Variants in TMEM266 observed in about 807,000 individuals in gnomAD.
TMEM266 encodes the protein transmembrane protein 266, also known as Hv1 related protein 1.
TMEM266 carries 33 observed loss-of-function variants against 50.5 expected under a neutral mutation model. That is an observed-to-expected ratio of 0.65 (90% CI 0.50 to 0.87). The LOEUF (loss-of-function observed/expected upper bound fraction) is 0.87, where lower values mean the gene tolerates loss of function less well. Among genes scored for constraint, TMEM266 ranks in the 40% least tolerant of loss-of-function variants. The pLI, the probability that TMEM266 is intolerant of heterozygous loss-of-function variation, is 0.00. For synonymous variants in TMEM266, 310 were observed against 292.3 expected (o/e 1.06, Z -0.62); for missense variants, 655 against 695.1 (o/e 0.94, Z 0.65).
At chr15:76,151,730 G>A (rs1051840614) in intron 3 of TMEM266, among the ~76,000 whole-genome samples, 3 of 151,950 alleles carry the variant, frequency 2.0e-5, no homozygotes, top group African/African-American at 4.8e-5. Context: ...TTAGTAGGCC[G>A]CCAGAAGCAT....
chr15:76,076,422 A>G (rs1420799346), intron 1 of TMEM266, among the ~76,000 whole-genome samples: 3 of 152,080 alleles, frequency 2.0e-5, no homozygotes. Flanking sequence ...AGAATAAACA[A>G]TAGTATTGTT....
At chr15:76,121,229 A>G (rs999296932) in intron 1 of TMEM266, among the ~76,000 whole-genome samples, 1 of 152,122 alleles carries the variant, frequency 6.6e-6, no homozygotes, top group African/African-American at 2.4e-5. Context: ...GAGAGGTTTA[A>G]CTTTTATGTA....
At chr15:76,072,848 G>T (rs1351683342) in intron 1 of TMEM266, among the ~76,000 whole-genome samples, 1 of 152,002 alleles carries the variant, frequency 6.6e-6, no homozygotes, top group East Asian at 1.9e-4. Flanking sequence ...ATGTTGGCCA[G>T]GCTGGTCTCA....
intron 7 of TMEM266, chr15:76,175,250 T>TC: frequency 3.7e-6 from 1 of 270,370 alleles, no homozygotes; most frequent in South Asian, 4.2e-5. Flanking sequence ...GAAGGTGGTC[T>TC]TGTGGCCACC....
intron 1 of TMEM266, among the ~76,000 whole-genome samples, chr15:76,080,320 T>G (rs879283870): frequency 1.3e-4 from 18 of 142,768 alleles, no homozygotes; most frequent in South Asian, 4.9e-4. Context: ...TGGCACGATC[T>G]TGGCTCACTG....
intron 1 of TMEM266, chr15:76,114,346 C>T (rs1277185330): frequency 3.9e-5 from 6 of 152,078 alleles, no homozygotes; most frequent in Admixed American, 3.9e-4. Flanking sequence ...ATGGCAAAAC[C>T]CCATCTCTAC....
intron 1 of TMEM266, among the ~76,000 whole-genome samples, chr15:76,061,966 G>A: frequency 6.6e-6 from 1 of 152,176 alleles, no homozygotes; most frequent in South Asian, 2.1e-4. Context: ...CTCTATGATT[G>A]TAGCAATTAT....
intron 1 of TMEM266, among the ~76,000 whole-genome samples, chr15:76,122,772 C>T (rs1369579306): frequency 1.3e-5 from 2 of 152,032 alleles, no homozygotes; most frequent in Non-Finnish European, 2.9e-5. Context: ...CTGAGGATTG[C>T]TTGCTGGGTG....
chr15:76,121,608 G>A (rs1418473804), intron 1 of TMEM266, among the ~76,000 whole-genome samples: 1 of 152,058 alleles, frequency 6.6e-6, no homozygotes, highest in African/African-American at 2.4e-5. Context: ...GTAGAGGTGG[G>A]GTTTCACCAT....
rs2038137350 is a variant in TMEM266 at position 76,168,714 on chromosome 15, AAG to A, written c.457-1096_457-1095del. Among the ~76,000 whole-genome samples the A allele has an allele frequency of 1.3e-5, 2 of 152,220 alleles. No individual in the cohort carries two copies. ...ACTGTATGCCAGGTGTTAGGGATAA[AAG>A]AGAGACAGCAGACCAGGTCCCTTGA... is the stretch of plus-strand genomic sequence containing the variant. On this transcript the variant is annotated intron_variant, in intron 5 of 10. Transcript: ENST00000388942. This position sits in a 1 kb window ranked among gnomAD's most constrained non-coding sequence, Gnocchi z 4.4.
intron 1 of TMEM266, among the ~76,000 whole-genome samples, chr15:76,065,945 A>G (rs111441457): frequency 0.018 from 2,689 of 152,108 alleles, 78 homozygotes; most frequent in African/African-American, 0.061. Flanking sequence ...CCCTGGCCAG[A>G]GGAGGGAAGA....
At chr15:76,154,240 A>G (rs1027020857) in intron 3 of TMEM266, among the ~76,000 whole-genome samples, 6 of 152,222 alleles carry the variant, frequency 3.9e-5, no homozygotes, top group Non-Finnish European at 8.8e-5. Context: ...TTTAGGGTAT[A>G]CTAGAAAATT....
chr15:76,151,100 C>T (rs2037836219), intron 3 of TMEM266, among the ~76,000 whole-genome samples: 1 of 152,184 alleles, frequency 6.6e-6, no homozygotes, highest in South Asian at 2.1e-4. Flanking sequence ...TACAGCAGCA[C>T]CAAGACAGGA....
At chr15:76,148,734 A>C (rs372945116) in intron 3 of TMEM266, among the ~76,000 whole-genome samples, 1,482 of 142,772 alleles carry the variant, frequency 0.01, no homozygotes, top group Non-Finnish European at 0.012. Context: ...TTCACCCCCC[A>C]CCTGAGCTCT....
At chr15:76,190,382 A>G (rs2038550200) in intron 8 of TMEM266, among the ~76,000 whole-genome samples, 1 of 152,236 alleles carries the variant, frequency 6.6e-6, no homozygotes, top group African/African-American at 2.4e-5. Flanking sequence ...TGTAAGCCAA[A>G]GCTAAGGAGC....
At position 76,204,640 on chromosome 15, in the gene TMEM266, T is replaced by G; in HGVS notation, c.*325T>G. ...GGGGGGCCAGCTCAGCCTCTTGCGT[T>G]GCCTTCGTTCCTGACGCCCACCCTG... On this transcript the variant is annotated 3_prime_UTR_variant, in exon 11 of 11. Coordinates refer to ENST00000388942, the MANE Select transcript of TMEM266 (RefSeq NM_152335.3). 1 of 205,626 alleles carries G rather than the reference T, an allele frequency of 4.9e-6. No individual in the cohort carries two copies. Among genetic ancestry groups the G allele is most frequent in the East Asian group, 1.1e-4 (1 of 8,736 alleles). The allele number at this position is 205,626 out of a possible 1,614,324, so 12.7% of individuals were successfully genotyped here.
intron 1 of TMEM266, among the ~76,000 whole-genome samples, chr15:76,102,295 CATAA>C (rs1278972235): frequency 6.6e-6 from 1 of 152,158 alleles, no homozygotes; most frequent in Non-Finnish European, 1.5e-5. Context: ...TGGGGAAGAT[CATAA>C]ATAATTATCA....
At position 76,140,158 on chromosome 15, in the gene TMEM266, G is replaced by C. The variant is rs1190501970; in HGVS notation, c.227+2263G>C. Among the ~76,000 whole-genome samples, 4 of 152,234 alleles carry C rather than the reference G, an allele frequency of 2.6e-5. No individual in the cohort carries two copies. In the East Asian group the frequency reaches 7.7e-4, roughly 29 times the overall value. ...AGGTGTGCCCAGGAAAGCTGTTCCC[G>C]TTGGGTAAATAGGAAGCAGCCCGAG... On this transcript the variant is annotated intron_variant, in intron 3 of 10. Coordinates refer to ENST00000388942, the MANE Select transcript of TMEM266 (RefSeq NM_152335.3).
rs376339884 is a variant in TMEM266, at chr15:76,110,102, C to T, written c.-96-24066C>T. Among the ~76,000 whole-genome samples the T allele has an allele frequency of 8.5e-5, 13 of 152,142 alleles. No homozygotes were observed. In the East Asian group the frequency reaches 1.9e-3, roughly 23 times the overall value. On this transcript the variant is annotated intron_variant, in intron 1 of 10. Coordinates refer to ENST00000388942, the MANE Select transcript of TMEM266 (RefSeq NM_152335.3). ...GCAATCTCTGTCTCCTGGGTTCAAG[C>T]GATTCTCCTGCCTCAGCCTCCCGAG...
Sources: gnomAD v4.1 joint callset for allele counts (sites outside exome capture counted in the v4.1 genomes callset) on GRCh38, gnomAD v4.1.1 for gene constraint, Gnocchi (gnomAD v3.1) non-coding constraint, MANE v1.5 for transcripts, NCBI Gene and HGNC (gene_info 2026-07-23, HGNC 2026-07-21) for gene names.